The following ARHGAP6 variants were observed in gnomAD, a reference collection of about 807,000 sequenced individuals.
ARHGAP6 encodes Rho GTPase activating protein 6.
ARHGAP6 carries 16 observed loss-of-function variants against 55.7 expected under a neutral mutation model. That is an observed-to-expected ratio of 0.29 (90% confidence interval 0.19 to 0.44). The LOEUF is 0.44. Ranked by LOEUF, ARHGAP6 falls within the 20% of genes least tolerant of loss-of-function variation. The pLI, the probability that ARHGAP6 is intolerant of heterozygous loss-of-function variation, is 1.00. For missense variants in ARHGAP6, 698 were observed against 808.9 expected (o/e 0.86, Z 1.66); for synonymous variants, 382 against 360.9 (o/e 1.06, Z -0.66).
rs1445816195 is a variant in ARHGAP6 at position 11,142,248 on chromosome X, CT to C, written c.2241del (p.Asp748ThrfsTer4). The C allele has an allele frequency of 1.7e-5, 20 of 1,194,722 alleles. 1 individual carries two copies. Among genetic ancestry groups the C allele is most frequent in the Middle Eastern group, 4.7e-4 (2 of 4,272 alleles). On this transcript the variant is annotated frameshift_variant, in exon 12 of 13. Coordinates refer to ENST00000337414, the MANE Select transcript of ARHGAP6 (RefSeq NM_013427.3). LOFTEE classifies it low-confidence loss of function (END_TRUNC). ...TWHSTLKSGS[K>X]DPGMTGSSGD... ...AATACTTCACCTGTCATTCCTGGGT[CT>C]TTGGATCCGCTTTTTAATGTTGAAT... is the stretch of plus-strand genomic sequence containing the variant.
intron 1 of ARHGAP6, among the ~76,000 whole-genome samples, chrX:11,659,556 A>C (rs1458020483): frequency 8.9e-6 from 1 of 111,954 alleles, no homozygotes; most frequent in Non-Finnish European, 1.9e-5. Flanking sequence ...AAACATGTGA[A>C]TACCTCATAG....
intron 1 of ARHGAP6, among the ~76,000 whole-genome samples, chrX:11,450,484 A>T (rs2050134727): frequency 8.9e-6 from 1 of 111,899 alleles, no homozygotes; most frequent in Non-Finnish European, 1.9e-5. Flanking sequence ...TGGGCTTCTG[A>T]GTCATGCTAG....
At position 11,255,116 on chromosome X, in the gene ARHGAP6, G is replaced by A. The variant is rs374950789; in HGVS notation, c.589-409C>T. Among the ~76,000 whole-genome samples the A allele has an allele frequency of 1.1e-4, 12 of 111,686 alleles. No homozygotes were observed. The East Asian group carries it at 1.9e-3, about 18-fold the overall frequency. ...TATGGAGAGCCTACCATGTGCCAGC[G>A]GCTGCACCAAGGGCATTTTTTAAAA... On this transcript the variant is annotated intron_variant, in intron 1 of 12. Transcript: ENST00000337414.
intron 8 of ARHGAP6, among the ~76,000 whole-genome samples, chrX:11,172,871 G>C (rs2046114440): frequency 9.0e-6 from 1 of 111,367 alleles, no homozygotes; most frequent in Admixed American, 9.5e-5. Context: ...TAATTAGCTA[G>C]CAATTCAAGA....
intron 1 of ARHGAP6, among the ~76,000 whole-genome samples, chrX:11,611,969 T>C (rs1359656427): frequency 3.6e-5 from 4 of 109,896 alleles, no homozygotes; most frequent in African/African-American, 6.6e-5. Context: ...TTTAAAAAGA[T>C]GGAGACTAAT....
chrX:11,206,388 G>A (rs1251191865), intron 2 of ARHGAP6, among the ~76,000 whole-genome samples: 4 of 111,669 alleles, frequency 3.6e-5, no homozygotes, highest in African/African-American at 1.3e-4. Context: ...GGAAATAAGA[G>A]TGCCCTTGAC....
intron 1 of ARHGAP6, among the ~76,000 whole-genome samples, chrX:11,306,799 C>T (rs1448207926): frequency 3.6e-5 from 4 of 112,018 alleles, no homozygotes; most frequent in African/African-American, 6.5e-5. Flanking sequence ...TTTTTCCTGC[C>T]CATTTGTCCT....
intron 1 of ARHGAP6, among the ~76,000 whole-genome samples, chrX:11,329,813 C>T (rs1341552546): frequency 1.8e-5 from 2 of 112,359 alleles, no homozygotes; most frequent in Non-Finnish European, 3.8e-5. Flanking sequence ...CCTATTGCTC[C>T]TGTAATACAG....
At chrX:11,522,494 C>T (rs780478503) in intron 1 of ARHGAP6, among the ~76,000 whole-genome samples, 2 of 110,588 alleles carry the variant, frequency 1.8e-5, no homozygotes, top group Admixed American at 1.9e-4. Flanking sequence ...GCTAGCAAGA[C>T]TAATAAAGAA....
intron 1 of ARHGAP6, among the ~76,000 whole-genome samples, chrX:11,624,852 A>C (rs1355018046): frequency 8.9e-6 from 1 of 112,227 alleles, no homozygotes. Flanking sequence ...TGCCTGGCCA[A>C]AGATCTGAAT....
intron 1 of ARHGAP6, among the ~76,000 whole-genome samples, chrX:11,441,117 C>T (rs1158640451): frequency 8.9e-6 from 1 of 111,830 alleles, no homozygotes; most frequent in Non-Finnish European, 1.9e-5. Context: ...CTCAGGGCTG[C>T]CATTTTTGGT....
intron 1 of ARHGAP6, among the ~76,000 whole-genome samples, chrX:11,338,610 C>G (rs966774679): frequency 5.4e-5 from 6 of 112,148 alleles, no homozygotes; most frequent in African/African-American, 1.9e-4. Context: ...GCAAACTTCT[C>G]TAAAGTCATC....
At chrX:11,377,392 G>A (rs976648566) in intron 1 of ARHGAP6, among the ~76,000 whole-genome samples, 2 of 112,222 alleles carry the variant, frequency 1.8e-5, no homozygotes, top group African/African-American at 6.5e-5. Context: ...GTTTGCAAGG[G>A]CTGGTGGGTG....
intron 1 of ARHGAP6, among the ~76,000 whole-genome samples, chrX:11,373,096 C>A (rs201077227): frequency 4.3e-4 from 7 of 16,401 alleles, no homozygotes; most frequent in South Asian, 3.7e-3. Context: ...CACACACAAA[C>A]ACACACACAC....
intron 1 of ARHGAP6, among the ~76,000 whole-genome samples, chrX:11,608,806 A>C (rs1457689534): frequency 9.0e-6 from 1 of 111,433 alleles, no homozygotes; most frequent in Non-Finnish European, 1.9e-5. Context: ...GCCATGTAGG[A>C]AGTGCCTTTC....
At chrX:11,565,849 C>T (rs1452448265) in intron 1 of ARHGAP6, among the ~76,000 whole-genome samples, 2 of 111,804 alleles carry the variant, frequency 1.8e-5, no homozygotes, top group Non-Finnish European at 3.8e-5. Context: ...AACTGGCCTC[C>T]ATAGAAGCAG....
intron 1 of ARHGAP6, among the ~76,000 whole-genome samples, chrX:11,516,620 C>G (rs371215815): frequency 1.8e-4 from 20 of 112,166 alleles, no homozygotes; most frequent in African/African-American, 6.1e-4. Flanking sequence ...CTCGTTGTAG[C>G]AATACTCAAC....
intron 9 of ARHGAP6, among the ~76,000 whole-genome samples, chrX:11,167,363 A>G (rs2046031121): frequency 9.0e-6 from 1 of 111,067 alleles, no homozygotes; most frequent in East Asian, 2.8e-4. Flanking sequence ...TGGAGGGTGG[A>G]GGTGCATTTT....
chrX:11,155,844 C>T (rs747169533), intron 10 of ARHGAP6, among the ~76,000 whole-genome samples: 2 of 112,347 alleles, frequency 1.8e-5, no homozygotes, highest in East Asian at 2.8e-4. Flanking sequence ...TCCCCACACC[C>T]TCTGCCTCTG....
Sources: allele counts gnomAD v4.1 joint callset (sites outside exome capture counted in the v4.1 genomes callset), GRCh38; gene constraint gnomAD v4.1.1; transcripts MANE v1.5; gene names NCBI Gene and HGNC (gene_info 2026-07-23, HGNC 2026-07-21).